SERPINB10: variants seen among roughly 807,000 people sequenced by gnomAD.
SERPINB10 encodes the protein serpin B10.
Under a neutral mutation model 39.1 loss-of-function variants are expected in SERPINB10, and 35 were observed. The observed-to-expected ratio is 0.90, with a 90% CI of 0.68 to 1.19. SERPINB10 has a LOEUF of 1.19. Ranked by LOEUF, SERPINB10 falls within the 50% of genes most tolerant of loss-of-function variation. The pLI is 0.00. For synonymous variants in SERPINB10, 190 were observed against 158.1 expected (o/e 1.20, Z -1.52); for missense variants, 546 against 460.5 (o/e 1.19, Z -1.70).
intron 4 of SERPINB10, among the ~76,000 whole-genome samples, chr18:63,918,532 C>T (rs1207522041): frequency 6.6e-6 from 1 of 152,020 alleles, no homozygotes; most frequent in Admixed American, 6.6e-5. Flanking sequence ...ACCATGATGA[C>T]TCTGTCCTCT....
intron 6 of SERPINB10, 26 bp from the exon 7 acceptor site, chr18:63,933,022 T>C (rs763461177): frequency 1.9e-6 from 3 of 1,593,254 alleles, no homozygotes; most frequent in East Asian, 2.2e-5. Flanking sequence ...TTGTTACCTG[T>C]TTTTTTGTTT....
chr18:63,935,113 T>G lies in SERPINB10; in HGVS notation c.1065T>G (p.Ser355Arg). 1 of 1,613,992 alleles carries G rather than the reference T, an allele frequency of 6.2e-7. No homozygotes were observed. Among genetic ancestry groups the G allele is most frequent in the Middle Eastern group, 1.6e-4 (1 of 6,062 alleles). ...NEQGTEAAAG[S>R]GSEIDIRIRV... ...AAGGTACTGAAGCTGCAGCTGGCAGTGGGAGTGAGATAGATATACGAATTA... is the reference window on the plus strand; with the variant it reads ...AAGGTACTGAAGCTGCAGCTGGCAGGGGGAGTGAGATAGATATACGAATTA... Residue 355 changes from serine to arginine, a missense_variant, in exon 8 of 8, where the codon AGT (serine) becomes AGG (arginine). Ser to Arg is a moderately radical substitution (Grantham distance 110). Coordinates refer to ENST00000238508, the MANE Select transcript of SERPINB10 (RefSeq NM_005024.3).
intron 5 of SERPINB10, among the ~76,000 whole-genome samples, chr18:63,922,548 T>A (rs2050153709): frequency 6.6e-6 from 1 of 151,938 alleles, no homozygotes; most frequent in South Asian, 2.1e-4. Flanking sequence ...TCCTACAGAT[T>A]GGAAGGCTGG....
intron 1 of SERPINB10, among the ~76,000 whole-genome samples, chr18:63,911,772 T>C (rs376854044): frequency 6.7e-6 from 1 of 148,766 alleles, no homozygotes; most frequent in Non-Finnish European, 1.5e-5. Flanking sequence ...TCTTTTCTTG[T>C]TCCATATGAA....
chr18:63,908,693 G>C (rs1051075868), intron 1 of SERPINB10, among the ~76,000 whole-genome samples: 1 of 151,996 alleles, frequency 6.6e-6, no homozygotes, highest in East Asian at 1.9e-4. Flanking sequence ...AAGGCCTTAG[G>C]TGAATAGAGA....
intron 5 of SERPINB10, among the ~76,000 whole-genome samples, chr18:63,929,206 T>C (rs554563579): frequency 4.9e-4 from 75 of 152,316 alleles, no homozygotes; most frequent in African/African-American, 1.8e-3. Context: ...TATATATTTT[T>C]TCCATCATTT....
chr18:63,930,209 G>A, intron 6 of SERPINB10, 22 bp downstream of exon 6: 2 of 1,610,378 alleles, frequency 1.2e-6, no homozygotes, highest in South Asian at 1.1e-5. Context: ...TTAAAGATCA[G>A]TTTGGATTTT....
At chr18:63,921,067 C>T (rs557980688) in intron 5 of SERPINB10, among the ~76,000 whole-genome samples, 2 of 151,984 alleles carry the variant, frequency 1.3e-5, no homozygotes, top group African/African-American at 4.8e-5. Context: ...TTCTACACAC[C>T]ATGCTGCCTT....
intron 6 of SERPINB10, among the ~76,000 whole-genome samples, chr18:63,930,830 C>T (rs1324291300): frequency 1.3e-5 from 2 of 152,176 alleles, no homozygotes; most frequent in Non-Finnish European, 2.9e-5. Flanking sequence ...GGACCTTCGC[C>T]ATTCTAGAGA....
intron 3 of SERPINB10, 131 bp downstream of exon 3, chr18:63,917,652 C>A: frequency 1.8e-6 from 1 of 564,626 alleles, no homozygotes; most frequent in Non-Finnish European, 3.0e-6. Flanking sequence ...GTTACAGAAA[C>A]TTTTTTTGGA....
chr18:63,926,686 G>A (rs2050184148), intron 5 of SERPINB10, among the ~76,000 whole-genome samples: 1 of 151,944 alleles, frequency 6.6e-6, no homozygotes, highest in Non-Finnish European at 1.5e-5. Flanking sequence ...CCAGATTAAA[G>A]GTGAATAAGA....
intron 1 of SERPINB10, among the ~76,000 whole-genome samples, chr18:63,912,679 C>T (rs2050073185): frequency 6.6e-6 from 1 of 151,972 alleles, no homozygotes; most frequent in African/African-American, 2.4e-5. Context: ...ATTCAGCTTG[C>T]TAGGATTTTA....
At chr18:63,918,961 CA>C (rs144073342) in intron 4 of SERPINB10, among the ~76,000 whole-genome samples, 31,563 of 151,772 alleles carry the variant, frequency 0.21, 3,390 homozygotes, top group Admixed American at 0.3. Context: ...AGTGGTCCCT[CA>C]AAAATATTTA....
At chr18:63,915,752 CTCTT>C in intron 2 of SERPINB10, 74 bp downstream of exon 2, 2 of 1,244,130 alleles carry the variant, frequency 1.6e-6, no homozygotes, top group Non-Finnish European at 2.2e-6. Flanking sequence ...CTTCAGTTTT[CTCTT>C]GACAACTCAA....
chr18:63,909,365 A>G (rs2050047818), intron 1 of SERPINB10, among the ~76,000 whole-genome samples: 2 of 152,040 alleles, frequency 1.3e-5, no homozygotes, highest in African/African-American at 4.8e-5. Flanking sequence ...TCACCTCACA[A>G]TTCTACACCC....
chr18:63,921,910 G>A (rs757107972), intron 5 of SERPINB10, among the ~76,000 whole-genome samples: 2 of 151,788 alleles, frequency 1.3e-5, no homozygotes, highest in Non-Finnish European at 2.9e-5. Context: ...CTGAAATACC[G>A]TTCCCTGCCC....
chr18:63,909,932 C>T (rs954732695), intron 1 of SERPINB10, among the ~76,000 whole-genome samples: 22 of 151,948 alleles, frequency 1.4e-4, no homozygotes, highest in African/African-American at 5.3e-4. Context: ...GATCTACAGT[C>T]TTTTTTGTTT....
intron 1 of SERPINB10, among the ~76,000 whole-genome samples, chr18:63,908,790 A>G (rs1430431734): frequency 1.3e-5 from 2 of 152,018 alleles, no homozygotes; most frequent in African/African-American, 2.4e-5. Flanking sequence ...GAAAGGCAAG[A>G]GGCCCTTGGG....
At chr18:63,911,822 G>A (rs1330651757) in intron 1 of SERPINB10, among the ~76,000 whole-genome samples, 1 of 152,034 alleles carries the variant, frequency 6.6e-6, no homozygotes, top group Admixed American at 6.6e-5. Context: ...AAATGACGTT[G>A]GTAGTTTGAT....
Sources: gnomAD v4.1 joint callset for allele counts (sites outside exome capture counted in the v4.1 genomes callset) on GRCh38, gnomAD v4.1.1 for gene constraint, MANE v1.5 for transcripts, NCBI Gene and HGNC (gene_info 2026-07-23, HGNC 2026-07-21) for gene names.